The following PDGFB variants were observed in gnomAD, a reference collection of about 807,000 sequenced individuals.
PDGFB encodes the protein platelet-derived growth factor subunit B.
PDGFB carries 6 observed loss-of-function variants against 29.0 expected under a neutral mutation model. The ratio of observed to expected loss-of-function variants is 0.21; its 90% confidence interval spans 0.11 to 0.41. The LOEUF is 0.41. PDGFB is among the 10% of genes least tolerant of loss of function. The pLI is 1.00. For synonymous variants in PDGFB, 144 were observed against 140.8 expected (o/e 1.02, Z -0.16); for missense variants, 299 against 341.8 (o/e 0.87, Z 0.99).
intron 1 of PDGFB, among the ~76,000 whole-genome samples, chr22:39,238,150 C>T (rs2146450271): frequency 6.6e-6 from 1 of 152,312 alleles, no homozygotes; most frequent in East Asian, 1.9e-4. Flanking sequence ...ATAGGAGATG[C>T]CCCTCCAAGG....
intron 1 of PDGFB, among the ~76,000 whole-genome samples, chr22:39,238,617 C>G (rs1393139922): frequency 6.6e-6 from 1 of 152,244 alleles, no homozygotes; most frequent in Non-Finnish European, 1.5e-5. Flanking sequence ...CAGGTCCAGA[C>G]AATTAGCAAG....
chr22:39,228,032 A>G (rs568459204), intron 5 of PDGFB, among the ~76,000 whole-genome samples: 1 of 152,308 alleles, frequency 6.6e-6, no homozygotes, highest in East Asian at 1.9e-4. Flanking sequence ...CCAGGCAAGC[A>G]CAAGGTCACC....
At chr22:39,236,669 G>A (rs191785929) in intron 1 of PDGFB, among the ~76,000 whole-genome samples, 83 of 152,254 alleles carry the variant, frequency 5.5e-4, no homozygotes, top group African/African-American at 1.5e-3. Context: ...GAGCAGCCCC[G>A]TAGGAAGGTC....
At chr22:39,236,687 C>A (rs183693114) in intron 1 of PDGFB, among the ~76,000 whole-genome samples, 1 of 152,196 alleles carries the variant, frequency 6.6e-6, no homozygotes, top group African/African-American at 2.4e-5. Flanking sequence ...GTCACAGCCA[C>A]GTCCCCCACA....
At chr22:39,236,200 C>G (rs561881360) in intron 1 of PDGFB, among the ~76,000 whole-genome samples, 192 of 152,354 alleles carry the variant, frequency 1.3e-3, no homozygotes, top group Non-Finnish European at 2.3e-3. Context: ...TCTGATTTCT[C>G]CCTGAGTCTC....
chr22:39,228,876 G>A (rs1228986790), intron 5 of PDGFB, among the ~76,000 whole-genome samples: 2 of 87,090 alleles, frequency 2.3e-5, no homozygotes, highest in Non-Finnish European at 5.9e-5. Flanking sequence ...GTGACAGGGT[G>A]AGACTGCCTC....
intron 1 of PDGFB, chr22:39,241,056 G>C (rs1257699573): frequency 1.5e-6 from 1 of 676,736 alleles, no homozygotes; most frequent in Non-Finnish European, 2.6e-6. Context: ...CTGCCCCCTA[G>C]GGCCATTAGC....
At position 39,240,853 on chromosome 22, in the gene PDGFB, A is replaced by G. The variant is rs201346813; in HGVS notation, c.63+3048T>C. On this transcript the variant is annotated intron_variant, in intron 1 of 6. Transcript: ENST00000331163. ...GAAGACAAGACGTGGAGAGGTACTTACGAGGCCCATGATAAACATCTCACC... is the reference window on the plus strand; with the variant it reads ...GAAGACAAGACGTGGAGAGGTACTTGCGAGGCCCATGATAAACATCTCACC... The G allele has an allele frequency of 3.7e-6, 6 of 1,613,606 alleles. No individual in the cohort carries two copies. The highest frequency in any genetic ancestry group is 4.2e-6 in the Non-Finnish European group (5 of 1,179,916).
At chr22:39,233,300 G>A (rs544318106) in intron 3 of PDGFB, 135 bp downstream of exon 3, 25 of 600,610 alleles carry the variant, frequency 4.2e-5, no homozygotes, top group East Asian at 2.0e-4. Flanking sequence ...CTCTCAGTTC[G>A]CTCAGTCCTG....
At chr22:39,230,792 GA>G (rs1379174140) in intron 4 of PDGFB, among the ~76,000 whole-genome samples, 1 of 152,262 alleles carries the variant, frequency 6.6e-6, no homozygotes, top group Admixed American at 6.5e-5. Flanking sequence ...GGTGGCAGGA[GA>G]AGGAAGTGCG....
intron 2 of PDGFB, among the ~76,000 whole-genome samples, chr22:39,233,854 C>G (rs1181995206): frequency 6.6e-6 from 1 of 152,184 alleles, no homozygotes; most frequent in Non-Finnish European, 1.5e-5. Context: ...GGGCCGGGAC[C>G]TAGGGCACTG....
intron 2 of PDGFB, among the ~76,000 whole-genome samples, chr22:39,234,012 C>G (rs900303185): frequency 2.6e-5 from 3 of 115,178 alleles, no homozygotes; most frequent in African/African-American, 3.6e-5. Flanking sequence ...GCGGGAGCCA[C>G]GGAGGGAGGG....
In PDGFB at chr22:39,243,721, TCCCTTAGAGCCTGTCACC is replaced by T. The variant is rs1932625601; in HGVS notation, c.63+162_63+179del. On this transcript the variant is annotated intron_variant, in intron 1 of 6. Transcript: ENST00000331163. This position sits in a 1 kb window ranked among gnomAD's most constrained non-coding sequence, Gnocchi z 6.4. ...GGAAAGAAAGCCACCGCTGTTGCCT[TCCCTTAGAGCCTGTCACC>T]CCCGGACCTCGCTCCCAGCCCGAAG... Among the ~76,000 whole-genome samples, 1 of 151,982 alleles carries T rather than the reference TCCCTTAGAGCCTGTCACC, an allele frequency of 6.6e-6. No individual in the cohort carries two copies. The highest frequency in any genetic ancestry group is 2.4e-5 in the African/African-American group (1 of 41,360).
In PDGFB at chr22:39,242,199, G is replaced by A. The variant is rs1483570155; in HGVS notation, c.63+1702C>T. On this transcript the variant is annotated intron_variant, in intron 1 of 6. Coordinates refer to ENST00000331163, the MANE Select transcript of PDGFB (RefSeq NM_002608.4). This position sits in a 1 kb window ranked among gnomAD's most constrained non-coding sequence, Gnocchi z 5.7. ...GCGTGTGCACGGGCGTGGCAGAGGC[G>A]GGCGCGCGACCTGGCCGCGGTAGTG... The A allele has an allele frequency of 4.6e-6, 1 of 216,390 alleles. No homozygotes were observed. The highest frequency in any genetic ancestry group is 9.3e-6 in the Non-Finnish European group (1 of 107,290). 13.4% of individuals were successfully genotyped at this position (216,390 alleles called of 1,614,324 possible). A position where few individuals can be genotyped will look rare whatever the true frequency, so the allele number is the denominator to read the frequency against.
At position 39,231,643 on chromosome 22, in the gene PDGFB, C is replaced by G. The variant is rs762111559; in HGVS notation, c.435G>C (p.Gln145His). Residue 145 changes from glutamine to histidine, a missense_variant, in exon 4 of 7, where the codon CAG (glutamine) becomes CAC (histidine). Coordinates refer to ENST00000331163, the MANE Select transcript of PDGFB (RefSeq NM_002608.4). The surrounding 1 kb of genome is among the most constrained non-coding windows in gnomAD (Gnocchi z 4.3). ...NNRNVQCRPT[Q>H]VQLRPVQVRK... ...GCACCTGGACAGGTCGCAGCTGCAC[C>G]TGGGTGGGGCGGCACTGCACGTTGC... 7 of 1,576,096 alleles carry G rather than the reference C, an allele frequency of 4.4e-6. No individual in the cohort carries two copies. Among genetic ancestry groups the G allele is most frequent in the Non-Finnish European group, 8.6e-7 (1 of 1,162,118 alleles).
chr22:39,237,023 G>A (rs987134160), intron 1 of PDGFB, among the ~76,000 whole-genome samples: 4 of 152,096 alleles, frequency 2.6e-5, no homozygotes, highest in African/African-American at 9.7e-5. Flanking sequence ...TTCTTGGTTC[G>A]CTCCACATTC....
chr22:39,234,878 T>G (rs1175455031), intron 2 of PDGFB, among the ~76,000 whole-genome samples: 4 of 151,962 alleles, frequency 2.6e-5, no homozygotes, highest in Non-Finnish European at 4.4e-5. Flanking sequence ...AAGGCTAAAT[T>G]TGGAAGTTGC....
At position 39,231,599 on chromosome 22, in the gene PDGFB, G is replaced by C; in HGVS notation, c.456+23C>G. ...TCCACCCACCACCGGGACCAGCCTC[G>C]GGGGGCCGCGGAGCCTACGCACCTG... On this transcript the variant is annotated intron_variant, in intron 4 of 6. Transcript: ENST00000331163. This position sits in a 1 kb window ranked among gnomAD's most constrained non-coding sequence, Gnocchi z 4.3. The C allele has an allele frequency of 6.6e-7, 1 of 1,515,692 alleles. No homozygotes were observed. Among genetic ancestry groups the C allele is most frequent in the African/African-American group, 1.4e-5 (1 of 72,792 alleles). The allele number at this position is 1,515,692 out of a possible 1,614,324, so 93.9% of individuals were successfully genotyped here. A position where few individuals can be genotyped will look rare whatever the true frequency, so the allele number is the denominator to read the frequency against.
intron 1 of PDGFB, among the ~76,000 whole-genome samples, chr22:39,239,684 G>T: frequency 6.6e-6 from 1 of 152,216 alleles, no homozygotes; most frequent in Non-Finnish European, 1.5e-5. Flanking sequence ...GGCAGCTGGG[G>T]CAAAGCCAGC....
Sources: allele counts gnomAD v4.1 joint callset (sites outside exome capture counted in the v4.1 genomes callset), GRCh38; gene constraint gnomAD v4.1.1; non-coding constraint Gnocchi (gnomAD v3.1); transcripts MANE v1.5; gene names NCBI Gene and HGNC (gene_info 2026-07-23, HGNC 2026-07-21).